CWC27: variants seen among roughly 807,000 people sequenced by gnomAD.
The protein encoded by CWC27 is spliceosome-associated protein CWC27 homolog.
CWC27 carries 47 observed loss-of-function variants against 63.6 expected under a neutral mutation model. The ratio of observed to expected loss-of-function variants is 0.74; its 90% CI spans 0.58 to 0.94. The LOEUF is 0.94. CWC27 is among the 40% of genes least tolerant of loss of function. The pLI is 0.00. For synonymous variants in CWC27, 175 were observed against 179.8 expected (o/e 0.97, Z 0.22); for missense variants, 495 against 554.3 (o/e 0.89, Z 1.07).
chr5:65,016,475 T>A (rs1750049904), intron 13 of CWC27, among the ~76,000 whole-genome samples: 1 of 151,522 alleles, frequency 6.6e-6, no homozygotes, highest in Non-Finnish European at 1.5e-5. Flanking sequence ...ATCTCAAAAA[T>A]AATAATAATA....
chr5:64,834,552 A>G (rs1745609811), intron 10 of CWC27, among the ~76,000 whole-genome samples: 1 of 151,736 alleles, frequency 6.6e-6, no homozygotes, highest in African/African-American at 2.4e-5. Flanking sequence ...TAGTTTGGCC[A>G]AAAGGTAATG....
At chr5:65,016,031 T>C (rs1262034546) in intron 13 of CWC27, among the ~76,000 whole-genome samples, 2 of 152,232 alleles carry the variant, frequency 1.3e-5, no homozygotes, top group African/African-American at 4.8e-5. Context: ...TGGTGAGATA[T>C]CATTAACTGC....
intron 11 of CWC27, among the ~76,000 whole-genome samples, chr5:64,912,873 C>G (rs568748405): frequency 1.3e-5 from 2 of 152,106 alleles, no homozygotes; most frequent in African/African-American, 4.8e-5. Flanking sequence ...CTTACAGAAA[C>G]TCATCCAGAG....
chr5:64,970,504 G>T (rs576093849), intron 11 of CWC27, among the ~76,000 whole-genome samples: 191 of 152,226 alleles, frequency 1.3e-3, no homozygotes, highest in African/African-American at 4.4e-3. Flanking sequence ...GAGCCACCAC[G>T]CCCGGCCGAA....
chr5:64,828,078 T>C (rs1170545522), intron 10 of CWC27, among the ~76,000 whole-genome samples: 1 of 152,134 alleles, frequency 6.6e-6, no homozygotes, highest in Non-Finnish European at 1.5e-5. Flanking sequence ...TTGGAATGTA[T>C]CCCTCTTGGA....
chr5:64,823,408 C>T lies in CWC27; in HGVS notation c.938+19022C>T, dbSNP rs117792385. Among the ~76,000 whole-genome samples the T allele has an allele frequency of 2.0e-4, 31 of 152,232 alleles. No homozygotes were observed. The East Asian group carries it at 5.2e-3, about 26-fold the overall frequency. On this transcript the variant is annotated intron_variant, in intron 10 of 13. Transcript: ENST00000381070. The stretch of plus-strand genomic sequence containing the variant: ...GGCAACCAGAGTATTATCTTTTAAG[C>T]GACTGTATTTAAAGGGTGTAGTTCC...
intron 10 of CWC27, chr5:64,807,637 A>G: frequency 6.5e-7 from 1 of 1,535,868 alleles, no homozygotes; most frequent in Non-Finnish European, 8.7e-7. Flanking sequence ...TACTGGATAC[A>G]GCTCAGCAGA....
At chr5:64,999,359 G>T (rs951935101) in intron 13 of CWC27, among the ~76,000 whole-genome samples, 1 of 151,838 alleles carries the variant, frequency 6.6e-6, no homozygotes, top group African/African-American at 2.4e-5. Context: ...GGGAACTTTT[G>T]AACTCTTCTA....
chr5:64,786,824 T>G (rs977521626), intron 6 of CWC27, among the ~76,000 whole-genome samples, 197 bp downstream of exon 6: 5 of 152,170 alleles, frequency 3.3e-5, no homozygotes, highest in African/African-American at 1.2e-4. Context: ...GACTGAGAGA[T>G]ATTGGAATTA....
chr5:64,820,176 G>T (rs1745154494), intron 10 of CWC27, among the ~76,000 whole-genome samples: 1 of 152,016 alleles, frequency 6.6e-6, no homozygotes, highest in Admixed American at 6.6e-5. Context: ...TGAACACCTG[G>T]CACCTAAACC....
At chr5:64,772,913 C>T (rs1036878967) in intron 1 of CWC27, among the ~76,000 whole-genome samples, 3 of 150,114 alleles carry the variant, frequency 2.0e-5, no homozygotes, top group South Asian at 2.1e-4. Context: ...CTCCAGCCTG[C>T]GCAACGGGGT....
intron 10 of CWC27, chr5:64,807,678 T>G (rs1176194553): frequency 6.5e-7 from 1 of 1,535,958 alleles, no homozygotes; most frequent in Admixed American, 2.0e-5. Context: ...CTGGTATTAT[T>G]ATGGATTTCT....
At chr5:65,006,255 T>A (rs1749838779) in intron 13 of CWC27, among the ~76,000 whole-genome samples, 1 of 152,212 alleles carries the variant, frequency 6.6e-6, no homozygotes, top group Admixed American at 6.5e-5. Flanking sequence ...GCTTGGCAAC[T>A]AATTCTGAGA....
At chr5:64,994,515 A>G (rs980438820) in intron 13 of CWC27, among the ~76,000 whole-genome samples, 1 of 152,226 alleles carries the variant, frequency 6.6e-6, no homozygotes, top group Non-Finnish European at 1.5e-5. Context: ...TAATTTACAT[A>G]TAAGACAGCA....
intron 3 of CWC27, among the ~76,000 whole-genome samples, chr5:64,783,466 A>G (rs1743767284): frequency 6.6e-6 from 1 of 152,236 alleles, no homozygotes; most frequent in Admixed American, 6.5e-5. Flanking sequence ...TAATAATTGA[A>G]TACTCTGCAA....
chr5:64,965,054 A>C (rs1159604660), intron 11 of CWC27, among the ~76,000 whole-genome samples: 2 of 152,152 alleles, frequency 1.3e-5, no homozygotes, highest in Non-Finnish European at 2.9e-5. Flanking sequence ...GCGCCATTGC[A>C]CTCCAGCCTG....
At chr5:64,819,495 G>A (rs1244082710) in intron 10 of CWC27, among the ~76,000 whole-genome samples, 1 of 151,926 alleles carries the variant, frequency 6.6e-6, no homozygotes, top group Admixed American at 6.6e-5. Flanking sequence ...TCATGAGGCT[G>A]GGTCTTTCCT....
chr5:64,889,421 A>G (rs1244257195), intron 11 of CWC27, among the ~76,000 whole-genome samples: 1 of 152,230 alleles, frequency 6.6e-6, no homozygotes, highest in African/African-American at 2.4e-5. Context: ...ACGAAAAGTA[A>G]ATAAATAAAA....
At chr5:64,775,196 A>G (rs111264474) in intron 2 of CWC27, among the ~76,000 whole-genome samples, 2 of 152,148 alleles carry the variant, frequency 1.3e-5, no homozygotes, top group African/African-American at 2.4e-5. Context: ...ACTAATTTAC[A>G]TATCTAATTG....
Sources: gnomAD v4.1 joint callset for allele counts (sites outside exome capture counted in the v4.1 genomes callset) on GRCh38, gnomAD v4.1.1 for gene constraint, MANE v1.5 for transcripts, NCBI Gene and HGNC (gene_info 2026-07-23, HGNC 2026-07-21) for gene names.